VMP1: variants seen among roughly 807,000 people sequenced by gnomAD.
VMP1 encodes vacuole membrane protein 1.
Under a neutral mutation model 56.0 loss-of-function variants are expected in VMP1, and 11 were observed. The ratio of observed to expected loss-of-function variants is 0.20; its 90% CI spans 0.12 to 0.32. The LOEUF is 0.32. VMP1 is among the 10% of genes least tolerant of loss of function. The probability of loss-of-function intolerance (pLI) is 1.00; values close to 1 mark genes in which losing one functional copy is unlikely to be tolerated. For missense variants in VMP1, 296 were observed against 490.3 expected (o/e 0.60, Z 3.74); for synonymous variants, 149 against 165.0 (o/e 0.90, Z 0.74).
chr17:59,747,896 T>TAA (rs34390960), intron 5 of VMP1, among the ~76,000 whole-genome samples: 1 of 140,682 alleles, frequency 7.1e-6, no homozygotes, highest in African/African-American at 2.6e-5. Context: ...CCCTGTCTCT[T>TAA]AAAAAAAAAA....
At chr17:59,733,602 T>C (rs1391258997) in intron 2 of VMP1, among the ~76,000 whole-genome samples, 1 of 151,972 alleles carries the variant, frequency 6.6e-6, no homozygotes, top group East Asian at 1.9e-4. Flanking sequence ...CTCGGGAAGC[T>C]CAGGCAGGAG....
At chr17:59,835,136 T>G (rs1273133701) in intron 10 of VMP1, among the ~76,000 whole-genome samples, 1 of 143,746 alleles carries the variant, frequency 7.0e-6, no homozygotes, top group Non-Finnish European at 1.5e-5. Context: ...TTTTTGTTTG[T>G]TTTTTTTTTT....
At chr17:59,792,101 A>G (rs1297151949) in intron 7 of VMP1, among the ~76,000 whole-genome samples, 1 of 152,006 alleles carries the variant, frequency 6.6e-6, no homozygotes, top group African/African-American at 2.4e-5. Context: ...GTGAAACCCC[A>G]TCTCTAAAAA....
intron 7 of VMP1, among the ~76,000 whole-genome samples, chr17:59,776,828 G>C (rs1009159505): frequency 6.6e-6 from 1 of 152,166 alleles, no homozygotes; most frequent in Non-Finnish European, 1.5e-5. Flanking sequence ...GTGGCTTGCA[G>C]CTATACATTT....
chr17:59,761,122 C>T (rs780909467), intron 5 of VMP1, among the ~76,000 whole-genome samples: 2 of 151,888 alleles, frequency 1.3e-5, no homozygotes, highest in Non-Finnish European at 2.9e-5. Context: ...AGGCTAGTCT[C>T]GAACTCCTGA....
intron 1 of VMP1, among the ~76,000 whole-genome samples, chr17:59,726,338 G>A (rs557792398): frequency 6.9e-4 from 103 of 150,050 alleles, no homozygotes; most frequent in African/African-American, 2.4e-3. Flanking sequence ...CTGTTGTCCA[G>A]GCTGGAGTGC....
At chr17:59,735,194 T>C (rs2034972972) in intron 2 of VMP1, 144 bp from the exon 3 acceptor site, 2 of 1,044,096 alleles carry the variant, frequency 1.9e-6, no homozygotes, top group African/African-American at 3.2e-5. Context: ...TTATAGGTAC[T>C]ACTAGTTGCC....
intron 1 of VMP1, among the ~76,000 whole-genome samples, chr17:59,717,141 G>A (rs1261355403): frequency 6.6e-6 from 1 of 151,472 alleles, no homozygotes; most frequent in Non-Finnish European, 1.5e-5. Flanking sequence ...CACCACGCCC[G>A]GCTAATTTTT....
intron 10 of VMP1, among the ~76,000 whole-genome samples, chr17:59,825,866 T>G (rs2038631372): frequency 6.6e-6 from 1 of 152,240 alleles, no homozygotes; most frequent in South Asian, 2.1e-4. Flanking sequence ...AATCCGAATG[T>G]TGTTTCTTAT....
chr17:59,828,525 C>A (rs2038713374), intron 10 of VMP1, among the ~76,000 whole-genome samples: 1 of 152,182 alleles, frequency 6.6e-6, no homozygotes, highest in Non-Finnish European at 1.5e-5. Flanking sequence ...AAGTTTTAAT[C>A]ATTTGAAAGG....
intron 7 of VMP1, among the ~76,000 whole-genome samples, chr17:59,801,616 C>G (rs531276860): frequency 6.6e-6 from 1 of 151,884 alleles, no homozygotes; most frequent in Non-Finnish European, 1.5e-5. Flanking sequence ...ATATTTAGGC[C>G]GGATGAGGTG....
chr17:59,808,426 A>G (rs1038827048), intron 7 of VMP1, among the ~76,000 whole-genome samples: 5 of 152,364 alleles, frequency 3.3e-5, no homozygotes, highest in African/African-American at 1.2e-4. Flanking sequence ...AGATGTATTC[A>G]TGAAGTCTGG....
At chr17:59,749,112 G>A (rs867116965) in intron 5 of VMP1, among the ~76,000 whole-genome samples, 86 of 149,596 alleles carry the variant, frequency 5.7e-4, no homozygotes, top group African/African-American at 2.0e-3. Context: ...ACTACGCCTG[G>A]CTATTTTTTT....
chr17:59,810,474 A>T (rs1372396980), intron 8 of VMP1, among the ~76,000 whole-genome samples: 2 of 152,180 alleles, frequency 1.3e-5, no homozygotes, highest in African/African-American at 4.8e-5. Context: ...AAATACTTTA[A>T]ATTCATTTTC....
chr17:59,805,725 T>C (rs1487584360), intron 7 of VMP1, among the ~76,000 whole-genome samples: 1 of 151,854 alleles, frequency 6.6e-6, no homozygotes, highest in Non-Finnish European at 1.5e-5. Context: ...AATACAATAC[T>C]TGTTGATCTT....
chr17:59,715,559 C>A (rs546622782), intron 1 of VMP1, among the ~76,000 whole-genome samples: 21 of 152,200 alleles, frequency 1.4e-4, no homozygotes, highest in Middle Eastern at 3.4e-3. Flanking sequence ...CTGGACACAT[C>A]GGGATTACAG....
At chr17:59,802,885 T>G (rs1175672282) in intron 7 of VMP1, among the ~76,000 whole-genome samples, 1 of 151,548 alleles carries the variant, frequency 6.6e-6, no homozygotes, top group Non-Finnish European at 1.5e-5. Context: ...TAGCTGGGAT[T>G]ACAGGCATGC....
intron 5 of VMP1, among the ~76,000 whole-genome samples, chr17:59,751,028 G>C (rs1268910086): frequency 6.7e-6 from 1 of 150,162 alleles, no homozygotes; most frequent in Non-Finnish European, 1.5e-5. Flanking sequence ...CGCCTCCTGG[G>C]TTCACGCCAT....
intron 7 of VMP1, among the ~76,000 whole-genome samples, chr17:59,802,609 A>C (rs1353984711): frequency 6.6e-6 from 1 of 152,184 alleles, no homozygotes; most frequent in East Asian, 1.9e-4. Flanking sequence ...TATGTCGCCC[A>C]GGCTGTAGTG....
Sources: allele counts gnomAD v4.1 joint callset (sites outside exome capture counted in the v4.1 genomes callset), GRCh38; gene constraint gnomAD v4.1.1; transcripts MANE v1.5; gene names NCBI Gene and HGNC (gene_info 2026-07-23, HGNC 2026-07-21).